Variants in ZIM2 observed in about 807,000 individuals in gnomAD.
ZIM2 encodes zinc finger protein 656.
ZIM2 carries 14 observed loss-of-function variants against 38.6 expected under a neutral mutation model. The ratio of observed to expected loss-of-function variants is 0.36; its 90% CI spans 0.24 to 0.57. ZIM2 has a LOEUF of 0.57. ZIM2 is among the 20% of genes least tolerant of loss of function. ZIM2 has a pLI of 0.81. For synonymous variants in ZIM2, 247 were observed against 245.8 expected (o/e 1.00, Z -0.04); for missense variants, 680 against 695.1 (o/e 0.98, Z 0.24).
intron 9 of ZIM2, chr19:56,810,382 C>A (rs771542353): frequency 1.0e-6 from 1 of 985,286 alleles, no homozygotes; most frequent in South Asian, 4.7e-5. Flanking sequence ...AATCCCACAA[C>A]AACCACACAA....
chr19:56,834,707 T>C (rs1318994538), intron 2 of ZIM2, among the ~76,000 whole-genome samples: 1 of 152,188 alleles, frequency 6.6e-6, no homozygotes, highest in Non-Finnish European at 1.5e-5. Context: ...TCTTGAGCAC[T>C]GAGGCCAGGA....
At chr19:56,835,685 C>T (rs189015953) in intron 2 of ZIM2, among the ~76,000 whole-genome samples, 1 of 152,340 alleles carries the variant, frequency 6.6e-6, no homozygotes, top group Admixed American at 6.5e-5. Context: ...TGTCCCAGTA[C>T]CTGGCACAAA....
chr19:56,832,269 C>T (rs2061645041), intron 2 of ZIM2, among the ~76,000 whole-genome samples: 1 of 152,204 alleles, frequency 6.6e-6, no homozygotes, highest in African/African-American at 2.4e-5. Context: ...AGGCCCTGCC[C>T]TTTCTCTGCT....
chr19:56,811,689 T>G (rs1245667194), intron 9 of ZIM2: 1 of 985,398 alleles, frequency 1.0e-6, no homozygotes, highest in African/African-American at 1.7e-5. Flanking sequence ...CCTTTTCCCA[T>G]GTAGTAAACC....
intron 9 of ZIM2, chr19:56,813,326 C>T (rs1600869838): frequency 1.0e-6 from 1 of 994,502 alleles, no homozygotes; most frequent in African/African-American, 1.7e-5. Flanking sequence ...TTTATATACA[C>T]CTCATGAAAC....
At chr19:56,824,863 A>C (rs1348200316) in intron 3 of ZIM2, 2 of 547,934 alleles carry the variant, frequency 3.7e-6, no homozygotes, top group Non-Finnish European at 6.5e-6. Context: ...TAAATAGGCA[A>C]ACAACCGCAC....
intron 9 of ZIM2, chr19:56,815,747 C>T: frequency 1.2e-6 from 2 of 1,614,154 alleles, no homozygotes; most frequent in Non-Finnish European, 8.5e-7. Flanking sequence ...GCACGGAATA[C>T]ACTCTGTATG....
chr19:56,803,269 C>A (rs1311895603), intron 9 of ZIM2, among the ~76,000 whole-genome samples: 1 of 152,196 alleles, frequency 6.6e-6, no homozygotes, highest in Non-Finnish European at 1.5e-5. Context: ...AAGATGGTTA[C>A]CTATCTCACA....
At chr19:56,782,181 C>T (rs1353292649) in intron 10 of ZIM2, 60 bp from the exon 11 acceptor site, 1 of 1,572,850 alleles carries the variant, frequency 6.4e-7, no homozygotes, top group African/African-American at 1.3e-5. Context: ...TGCAGGCATT[C>T]AGACCAGCAG....
intron 9 of ZIM2, among the ~76,000 whole-genome samples, chr19:56,801,404 T>C (rs1300773479): frequency 3.3e-5 from 5 of 152,152 alleles, no homozygotes; most frequent in Admixed American, 3.3e-4. Flanking sequence ...AGCCACTACC[T>C]GGAGCAGGAC....
At position 56,775,318 on chromosome 19, in the gene ZIM2, G is replaced by A; in HGVS notation, c.1047C>T (p.Pro349=). 1 of 1,614,130 alleles carries A rather than the reference G, an allele frequency of 6.2e-7. No homozygotes were observed. The highest frequency in any genetic ancestry group is 1.3e-5 in the African/African-American group (1 of 75,032). Reference sequence around the variant, plus strand: ...GTTTGTTCTCTTGGGATGCTGACTGGGGACTCGTACATATTCCAGGAGCAG... The same window carrying A: ...GTTTGTTCTCTTGGGATGCTGACTGAGGACTCGTACATATTCCAGGAGCAG... ...EGTAPGICTS[P]QSASQENKHN... Residue 349 remains proline (P), a synonymous_variant, in exon 13 of 13, where the codon CCC becomes CCT. Coordinates refer to ENST00000629319, the MANE Select transcript of ZIM2 (RefSeq NM_001387356.1).
At chr19:56,779,566 G>T in intron 11 of ZIM2, 94 bp from the exon 12 acceptor site, 1 of 1,226,884 alleles carries the variant, frequency 8.2e-7, no homozygotes, top group Non-Finnish European at 1.2e-6. Flanking sequence ...ACAAACTCTC[G>T]CAGGAGTAAA....
intron 5 of ZIM2, among the ~76,000 whole-genome samples, chr19:56,823,074 C>T (rs1261129294): frequency 2.0e-5 from 3 of 152,204 alleles, no homozygotes; most frequent in African/African-American, 4.8e-5. Flanking sequence ...TTCCAAAGCT[C>T]AGTCCAGTAG....
Position 56,775,042 on chromosome 19 carries a change from G to T in ZIM2, c.1323C>A (p.Asp441Glu), listed in dbSNP as rs1382752540. 1.2e-6 allele frequency: 2 copies of T among 1,614,036 alleles called. No individual in the cohort carries two copies. The highest frequency in any genetic ancestry group is 3.3e-5 in the Admixed American group (2 of 60,006). Residue 441 changes from aspartate (D) to glutamate (E), a missense_variant, in exon 13 of 13, where the codon GAC becomes GAA. By Grantham distance (45) the Asp-to-Glu change is conservative (BLOSUM62 2). Coordinates refer to ENST00000629319, the MANE Select transcript of ZIM2 (RefSeq NM_001387356.1). ...CERVRIHSQE[D>E]YFECFQCGKA... ...TGCCGCACTGAAAACATTCAAAGTA[G>T]TCCTCCTGACTGTGAATTCTTACAC...
At chr19:56,815,738 C>G (rs774565781) in intron 9 of ZIM2, 1 of 1,614,156 alleles carries the variant, frequency 6.2e-7, no homozygotes, top group Non-Finnish European at 8.5e-7. Context: ...TGAGGTTTGG[C>G]ACGGAATACA....
At chr19:56,812,934 T>C (rs1600865703) in intron 9 of ZIM2, 1 of 985,784 alleles carries the variant, frequency 1.0e-6, no homozygotes, top group Non-Finnish European at 1.2e-6. Context: ...ATCCGTATAT[T>C]GTAAAGCCTT....
chr19:56,815,803 T>C, intron 9 of ZIM2: 1 of 1,613,344 alleles, frequency 6.2e-7, no homozygotes, highest in East Asian at 2.2e-5. Flanking sequence ...TTCACAAGGG[T>C]TCTCTCTGGC....
intron 3 of ZIM2, chr19:56,824,702 G>A (rs780221394): frequency 6.5e-7 from 1 of 1,533,920 alleles, no homozygotes; most frequent in East Asian, 2.3e-5. Flanking sequence ...TGAGTCAACA[G>A]GAAAGACGCG....
intron 9 of ZIM2, chr19:56,799,486 G>A (rs1206669772): frequency 1.3e-5 from 2 of 152,168 alleles, no homozygotes; most frequent in Non-Finnish European, 2.9e-5. Context: ...GGGAAGAATA[G>A]CTAATGCATG....
Sources: allele counts gnomAD v4.1 joint callset (sites outside exome capture counted in the v4.1 genomes callset), GRCh38; gene constraint gnomAD v4.1.1; transcripts MANE v1.5; gene names NCBI Gene and HGNC (gene_info 2026-07-23, HGNC 2026-07-21).